Variants in MAML3 observed in about 807,000 individuals in gnomAD.
MAML3 encodes the protein mastermind-like protein 3.
A neutral mutation model predicts 101.9 loss-of-function variants in MAML3; 27 were observed. The observed-to-expected ratio is 0.27, with a 90% CI of 0.20 to 0.37. The LOEUF (loss-of-function observed/expected upper bound fraction) is 0.37. Among genes scored for constraint, MAML3 ranks in the 10% least tolerant of loss-of-function variants. The pLI, the probability that MAML3 is intolerant of heterozygous loss-of-function variation, is 1.00. For synonymous variants in MAML3, 501 were observed against 555.9 expected (o/e 0.90, Z 1.39); for missense variants, 1,316 against 1,444.9 (o/e 0.91, Z 1.45).
chr4:139,727,003 C>G (rs1728501127), intron 3 of MAML3, among the ~76,000 whole-genome samples: 1 of 152,182 alleles, frequency 6.6e-6, no homozygotes, highest in African/African-American at 2.4e-5. Context: ...CTTTCATCTG[C>G]AAGGGCTATA....
intron 2 of MAML3, 94 bp downstream of exon 2, chr4:139,889,263 C>A (rs757873935): frequency 1.2e-6 from 2 of 1,608,730 alleles, no homozygotes; most frequent in Non-Finnish European, 8.5e-7. Context: ...GGCAATTAGA[C>A]CCCACTACAG....
intron 1 of MAML3, among the ~76,000 whole-genome samples, chr4:139,971,969 C>A (rs796418930): frequency 2.3e-4 from 35 of 152,330 alleles, no homozygotes; most frequent in African/African-American, 8.2e-4. Context: ...ATTCAAGATT[C>A]AAATTTATGC....
intron 1 of MAML3, among the ~76,000 whole-genome samples, chr4:140,095,127 G>T (rs896975215): frequency 6.6e-6 from 1 of 152,232 alleles, no homozygotes; most frequent in Non-Finnish European, 1.5e-5. Context: ...CTCAAAGGAC[G>T]TCACAGAGTA....
intron 2 of MAML3, among the ~76,000 whole-genome samples, chr4:139,875,197 T>G (rs1732087842): frequency 6.6e-6 from 1 of 152,116 alleles, no homozygotes; most frequent in Non-Finnish European, 1.5e-5. Flanking sequence ...AAGTCAGGAT[T>G]TGAAGATCTG....
At chr4:140,085,045 C>T (rs1287566801) in intron 1 of MAML3, among the ~76,000 whole-genome samples, 2 of 152,076 alleles carry the variant, frequency 1.3e-5, no homozygotes, top group East Asian at 1.9e-4. Context: ...CCTGAATATC[C>T]CCTCTGATGC....
chr4:139,789,933 G>A, intron 2 of MAML3, among the ~76,000 whole-genome samples: 1 of 152,178 alleles, frequency 6.6e-6, no homozygotes, highest in East Asian at 1.9e-4. Context: ...ACTAGATTTT[G>A]AATATGCTGA....
chr4:139,889,564 G>T lies in MAML3; in HGVS notation c.1872C>A (p.Asn624Lys), dbSNP rs1207452660. 3 of 1,613,570 alleles carry T rather than the reference G, an allele frequency of 1.9e-6. No individual in the cohort carries two copies. Among genetic ancestry groups the T allele is most frequent in the Non-Finnish European group, 8.5e-7 (1 of 1,179,836 alleles). Residue 624 changes from asparagine to lysine, a missense_variant, in exon 2 of 5, where the codon AAC becomes AAA. Coordinates refer to ENST00000509479, the MANE Select transcript of MAML3 (RefSeq NM_018717.5). ...QRMTPPVANPNKNPLMPYIQQ... is the reference protein window; with the variant it reads ...QRMTPPVANPKKNPLMPYIQQ... ...GGATATACGGCATCAAGGGGTTTTT[G>T]TTGGGGTTGGCCACTGGTGGTGTCA...
chr4:139,910,734 C>T (rs1222394867), intron 1 of MAML3, among the ~76,000 whole-genome samples: 1 of 152,052 alleles, frequency 6.6e-6, no homozygotes, highest in African/African-American at 2.4e-5. Context: ...AAGGCTTTTT[C>T]AGGAGAAGTA....
intron 1 of MAML3, among the ~76,000 whole-genome samples, chr4:140,116,785 G>T (rs1728525292): frequency 6.6e-6 from 1 of 152,218 alleles, no homozygotes. Flanking sequence ...CACTTACCTT[G>T]TAAAGATGTG....
At chr4:140,006,553 G>A (rs1295823601) in intron 1 of MAML3, among the ~76,000 whole-genome samples, 2 of 145,238 alleles carry the variant, frequency 1.4e-5, no homozygotes, top group East Asian at 2.0e-4. Context: ...GCCGCTGCAC[G>A]CCAGCCTGGG....
At position 140,033,225 on chromosome 4, in the gene MAML3, C is replaced by T. The variant is rs1427021365; in HGVS notation, c.468+119635G>A. On this transcript the variant is annotated intron_variant, in intron 1 of 4. Transcript: ENST00000509479. ...TTCGAAACAAATGGCAAGGGCTTTT[C>T]CATGCCATTTATAACTAAGCCCTGT... Among the ~76,000 whole-genome samples the T allele has an allele frequency of 1.3e-5, 2 of 152,200 alleles. 1 individual carries two copies. Among genetic ancestry groups the T allele is most frequent in the Non-Finnish European group, 2.9e-5 (2 of 68,028 alleles).
intron 1 of MAML3, among the ~76,000 whole-genome samples, chr4:140,081,273 C>T (rs2110968401): frequency 6.6e-6 from 1 of 151,876 alleles, no homozygotes; most frequent in South Asian, 2.1e-4. Context: ...AATATACATA[C>T]ACATTTGTAC....
Position 139,911,250 on chromosome 4 carries a change from C to T in MAML3, c.469-20283G>A, listed in dbSNP as rs1404120019. On this transcript the variant is annotated intron_variant, in intron 1 of 4. Transcript: ENST00000509479. ...TTTTTTTTTTTGCGATGGAGTCTTGCTCTGTTGCCCAGGCTGCAGTGCAGT... is the reference window on the plus strand; with the variant it reads ...TTTTTTTTTTTGCGATGGAGTCTTGTTCTGTTGCCCAGGCTGCAGTGCAGT... Among the ~76,000 whole-genome samples the T allele has an allele frequency of 4.0e-5, 6 of 150,324 alleles. No individual in the cohort carries two copies. The Middle Eastern group carries it at 0.01, about 257-fold the overall frequency.
intron 1 of MAML3, among the ~76,000 whole-genome samples, chr4:139,993,774 G>A (rs1251142643): frequency 6.6e-6 from 1 of 152,076 alleles, no homozygotes; most frequent in Non-Finnish European, 1.5e-5. Context: ...GTTGCAGTGA[G>A]CTGAGATCGT....
intron 1 of MAML3, among the ~76,000 whole-genome samples, chr4:139,972,049 C>A (rs1734242548): frequency 6.6e-6 from 1 of 151,678 alleles, no homozygotes; most frequent in East Asian, 1.9e-4. Flanking sequence ...AAATGCTTTT[C>A]TTTTTTTTTA....
chr4:139,847,900 GTTTGTTTA>G (rs1731477764), intron 2 of MAML3, among the ~76,000 whole-genome samples: 1 of 152,100 alleles, frequency 6.6e-6, no homozygotes, highest in South Asian at 2.1e-4. Flanking sequence ...AGGCTATTTT[GTTTGTTTA>G]TTTGTTTATT....
intron 1 of MAML3, among the ~76,000 whole-genome samples, chr4:140,047,434 C>A (rs950675829): frequency 5.9e-5 from 9 of 152,158 alleles, no homozygotes; most frequent in African/African-American, 2.2e-4. Context: ...GGCGGAATTG[C>A]AGCGCCCGTA....
chr4:140,101,902 C>G (rs1049555696), intron 1 of MAML3, among the ~76,000 whole-genome samples: 6 of 150,442 alleles, frequency 4.0e-5, no homozygotes, highest in Admixed American at 4.0e-4. Context: ...GTCTTTCTAG[C>G]CAATAGAACA....
chr4:139,736,233 T>G (rs1728940665), intron 2 of MAML3, among the ~76,000 whole-genome samples: 2 of 152,188 alleles, frequency 1.3e-5, no homozygotes, highest in Non-Finnish European at 2.9e-5. Flanking sequence ...TATCAAAAGA[T>G]AGCTACATCC....
Sources: gnomAD v4.1 joint callset for allele counts (sites outside exome capture counted in the v4.1 genomes callset) on GRCh38, gnomAD v4.1.1 for gene constraint, MANE v1.5 for transcripts, NCBI Gene and HGNC (gene_info 2026-07-23, HGNC 2026-07-21) for gene names.